The following MDM1 variants were observed in gnomAD, a reference collection of about 807,000 sequenced individuals.
MDM1 encodes the protein Mdm1 nuclear protein.
Under a neutral mutation model 89.1 loss-of-function variants are expected in MDM1, and 61 were observed. That is an observed-to-expected ratio of 0.68 (90% CI 0.56 to 0.85). The LOEUF (loss-of-function observed/expected upper bound fraction) is 0.85. MDM1 is among the 40% of genes least tolerant of loss of function. The pLI, the probability that MDM1 is intolerant of heterozygous loss-of-function variation, is 0.00. For missense variants in MDM1, 820 were observed against 846.5 expected, an observed-to-expected ratio of 0.97 and a Z score of 0.39; for synonymous variants, 290 against 294.1, an observed-to-expected ratio of 0.99 and a Z score of 0.14.
intron 12 of MDM1, among the ~76,000 whole-genome samples, chr12:68,307,006 G>A (rs1332510946): frequency 8.5e-5 from 13 of 152,170 alleles, no homozygotes; most frequent in Non-Finnish European, 7.3e-5. Flanking sequence ...AGAATACTGC[G>A]CAGCCATAAG....
intron 10 of MDM1, among the ~76,000 whole-genome samples, chr12:68,314,486 C>T (rs914278559): frequency 7.2e-5 from 11 of 152,134 alleles, no homozygotes; most frequent in African/African-American, 2.4e-4. Flanking sequence ...GCACTATTAT[C>T]ATAGGTGGAG....
chr12:68,295,030 A>G lies in MDM1; in HGVS notation c.*224T>C, dbSNP rs1203809117. ...ACGAAAGTTACATGTGAAGAATTCA[A>G]TAATCTAGGTCTTTGTACTCTGGGA... On this transcript the variant is annotated 3_prime_UTR_variant, in exon 15 of 15. Transcript: ENST00000682720. The G allele has an allele frequency of 1.8e-5, 5 of 275,690 alleles. No homozygotes were observed. In the East Asian group the frequency reaches 3.1e-4, roughly 17 times the overall value. 17.1% of individuals were successfully genotyped at this position (275,690 alleles called of 1,614,324 possible). A position where few individuals can be genotyped will look rare whatever the true frequency, so the allele number is the denominator to read the frequency against.
At position 68,302,826 on chromosome 12, in the gene MDM1, A is replaced by G. The variant is rs1872371235; in HGVS notation, c.1796T>C (p.Ile599Thr). ...VSLLTSPAAGIKTVDPLPLRE... is the reference protein window; with the variant it reads ...VSLLTSPAAGTKTVDPLPLRE... ...CAAAGGCAGAGGATCAACTGTTTTT[A>G]TACCAGCAGCTGGAGAAGTCAGTAG... Residue 599 changes from isoleucine to threonine, a missense_variant, in exon 13 of 15, where the codon ATA (isoleucine) becomes ACA (threonine). Coordinates refer to ENST00000682720, the MANE Select transcript of MDM1 (RefSeq NM_001354969.2). 1 of 1,608,972 alleles carries G rather than the reference A, an allele frequency of 6.2e-7. No homozygotes were observed. Among genetic ancestry groups the G allele is most frequent in the Admixed American group, 1.7e-5 (1 of 59,492 alleles).
At chr12:68,311,707 G>T (rs567193523) in intron 12 of MDM1, among the ~76,000 whole-genome samples, 1 of 152,136 alleles carries the variant, frequency 6.6e-6, no homozygotes, top group Non-Finnish European at 1.5e-5. Flanking sequence ...ACATGCTGTT[G>T]TGTCTTCCAT....
At chr12:68,324,950 C>G in intron 4 of MDM1, 3 of 926,856 alleles carry the variant, frequency 3.2e-6, no homozygotes, top group Non-Finnish European at 3.9e-6. Context: ...TATAGTTATA[C>G]TGACAATGCC....
At position 68,296,914 on chromosome 12, in the gene MDM1, C is replaced by T. The variant is rs1484430348; in HGVS notation, c.2062+9G>A. 2 of 1,577,022 alleles carry T rather than the reference C, an allele frequency of 1.3e-6. No individual in the cohort carries two copies. The highest frequency in any genetic ancestry group is 1.7e-6 in the Non-Finnish European group (2 of 1,163,720). Reference sequence around the variant, plus strand: ...CTCAAACTTTTATGTTATGTGACTACTGAAATACCTTCATCATTAAAGGCT... The same window carrying T: ...CTCAAACTTTTATGTTATGTGACTATTGAAATACCTTCATCATTAAAGGCT... On this transcript the variant is annotated intron_variant, in intron 14 of 14. Coordinates refer to ENST00000682720, the MANE Select transcript of MDM1 (RefSeq NM_001354969.2).
In MDM1 at chr12:68,323,272, G is replaced by C. The variant is rs754470153; in HGVS notation, c.634-32C>G. On this transcript the variant is annotated intron_variant, in intron 4 of 14. Transcript: ENST00000682720. ...ACAAAAATTATTTTAGTTTAGTTTTGTTGATTAAATATGCGGAACTTTGGT... is the reference window on the plus strand; with the variant it reads ...ACAAAAATTATTTTAGTTTAGTTTTCTTGATTAAATATGCGGAACTTTGGT... 11 of 1,490,052 alleles carry C rather than the reference G, an allele frequency of 7.4e-6. No individual in the cohort carries two copies. The Admixed American group carries it at 2.7e-4, about 36-fold the overall frequency. 92.3% of individuals were successfully genotyped at this position (1,490,052 alleles called of 1,614,324 possible). A position where few individuals can be genotyped will look rare whatever the true frequency, so the allele number is the denominator to read the frequency against.
intron 13 of MDM1, among the ~76,000 whole-genome samples, chr12:68,300,447 A>G (rs1453088755): frequency 1.3e-5 from 2 of 152,184 alleles, no homozygotes; most frequent in Non-Finnish European, 2.9e-5. Flanking sequence ...GATTCATATA[A>G]GCTCAAGGTA....
In MDM1 at chr12:68,325,555, C is replaced by T. The variant is rs1232532085; in HGVS notation, c.519G>A (p.Lys173=). 1 of 1,582,520 alleles carries T rather than the reference C, an allele frequency of 6.3e-7. No homozygotes were observed. The highest frequency in any genetic ancestry group is 1.8e-5 in the Admixed American group (1 of 55,632). ...VDNGLDRLLR[K]KAGLTVVPSY... ...AAGGAACAACAGTCAATCCAGCTTT[C>T]TTACGCAGAAGTCTATCCAACTGTT... The change falls in exon 4 of 15, where the codon AAG becomes AAA. Residue 173 remains lysine, a synonymous_variant. Transcript: ENST00000682720.
intron 14 of MDM1, among the ~76,000 whole-genome samples, chr12:68,296,703 T>C (rs1452596843): frequency 6.6e-6 from 1 of 152,072 alleles, no homozygotes; most frequent in Non-Finnish European, 1.5e-5. Context: ...AGGCACAATC[T>C]CTTATTGTAT....
chr12:68,309,387 T>C (rs377067042), intron 12 of MDM1, among the ~76,000 whole-genome samples: 2 of 152,250 alleles, frequency 1.3e-5, no homozygotes, highest in African/African-American at 4.8e-5. Flanking sequence ...CTGATCTCCA[T>C]GATTAGAACA....
chr12:68,295,841 C>T (rs1034824354), intron 14 of MDM1, among the ~76,000 whole-genome samples: 15 of 152,142 alleles, frequency 9.9e-5, no homozygotes, highest in African/African-American at 3.1e-4. Flanking sequence ...TTTTAATATG[C>T]TACCCTTCCT....
rs1565777797 is a variant in MDM1, at chr12:68,316,133, T to C, written c.1156A>G (p.Thr386Ala). The change falls in exon 9 of 15, where the codon ACC (threonine) becomes GCC (alanine). Residue 386 changes from threonine (T) to alanine (A), a missense_variant. Thr to Ala is a moderately conservative substitution (Grantham distance 58). Coordinates refer to ENST00000682720, the MANE Select transcript of MDM1 (RefSeq NM_001354969.2). ...CTAACGGTTCCTTCTGAGCTTGTGG[T>C]TGAGGAGACATCCCAACAGCAGTTG... ...DSNCCWDVSS[T>A]TSSEGTVSSN... is the part of the protein sequence containing the mutation. 1 of 1,614,118 alleles carries C rather than the reference T, an allele frequency of 6.2e-7. No homozygotes were observed. Among genetic ancestry groups the C allele is most frequent in the Non-Finnish European group, 8.5e-7 (1 of 1,179,990 alleles).
chr12:68,295,816 A>G (rs1269787126), intron 14 of MDM1, among the ~76,000 whole-genome samples: 1 of 152,228 alleles, frequency 6.6e-6, no homozygotes, highest in Non-Finnish European at 1.5e-5. Context: ...CACTAAATGT[A>G]GAAATAATTT....
chr12:68,303,093 C>T (rs1041084287), intron 12 of MDM1, among the ~76,000 whole-genome samples: 1 of 151,880 alleles, frequency 6.6e-6, no homozygotes, highest in African/African-American at 2.4e-5. Context: ...AAATGCAGAA[C>T]TTGGAAAAAA....
chr12:68,312,153 T>A (rs1873783627), intron 12 of MDM1, among the ~76,000 whole-genome samples: 1 of 152,172 alleles, frequency 6.6e-6, no homozygotes, highest in South Asian at 2.1e-4. Flanking sequence ...CCAGTCTCAA[T>A]ACTTTAAAAA....
In MDM1 at chr12:68,321,413, C is replaced by A; in HGVS notation, c.939G>T (p.Leu313=). The change falls in exon 7 of 15, where the codon CTG becomes CTT. Residue 313 remains leucine, a synonymous_variant. Transcript: ENST00000682720. ...CTTTATATAAATACTGAGCTGGGCT[C>A]AGAAATTTTGCTCTATATTCGGAAT... ...KVNSEYRAKF[L]SPAQYLYKAG... is the part of the protein sequence containing the mutation. The A allele has an allele frequency of 1.2e-6, 2 of 1,613,678 alleles. No homozygotes were observed. The highest frequency in any genetic ancestry group is 4.5e-5 in the East Asian group (2 of 44,812).
intron 7 of MDM1, 114 bp downstream of exon 7, chr12:68,321,228 TTATTA>T (rs1186860748): frequency 1.6e-6 from 1 of 628,324 alleles, no homozygotes; most frequent in Non-Finnish European, 2.7e-6. Context: ...ATTAGTGCTA[TTATTA>T]TATCATACTT....
chr12:68,305,893 A>G (rs1176990688), intron 12 of MDM1, among the ~76,000 whole-genome samples: 2 of 151,468 alleles, frequency 1.3e-5, no homozygotes, highest in African/African-American at 4.9e-5. Flanking sequence ...AATTAGAAAA[A>G]GCAGTTCTAA....
Sources: allele counts gnomAD v4.1 joint callset (sites outside exome capture counted in the v4.1 genomes callset), GRCh38; gene constraint gnomAD v4.1.1; transcripts MANE v1.5; gene names NCBI Gene and HGNC (gene_info 2026-07-23, HGNC 2026-07-21).